The following FUBP1 variants were observed in gnomAD, a reference collection of about 807,000 sequenced individuals.
The protein encoded by FUBP1 is far upstream element-binding protein 1.
FUBP1 carries 16 observed loss-of-function variants against 94.9 expected under a neutral mutation model. The observed-to-expected ratio is 0.17, with a 90% confidence interval of 0.11 to 0.26. The LOEUF (loss-of-function observed/expected upper bound fraction) is 0.26. FUBP1 is among the 10% of genes least tolerant of loss of function. The probability of loss-of-function intolerance (pLI) is 1.00; values close to 1 mark genes in which losing one functional copy is unlikely to be tolerated. For missense variants in FUBP1, 583 were observed against 808.6 expected (o/e 0.72, Z 3.38); for synonymous variants, 279 against 254.9 (o/e 1.09, Z -0.90).
At chr1:77,970,489 A>G (rs1657317865) in intron 1 of FUBP1, among the ~76,000 whole-genome samples, 1 of 152,224 alleles carries the variant, frequency 6.6e-6, no homozygotes, top group South Asian at 2.1e-4. Flanking sequence ...CTCACTGAAT[A>G]TTGAAAACCT....
At chr1:77,959,913 T>C (rs1457583235) in intron 16 of FUBP1, among the ~76,000 whole-genome samples, 1 of 152,230 alleles carries the variant, frequency 6.6e-6, no homozygotes, top group African/African-American at 2.4e-5. Flanking sequence ...CCAAAACCTA[T>C]GACACTGTGC....
intron 16 of FUBP1, among the ~76,000 whole-genome samples, chr1:77,957,493 C>T (rs920771358): frequency 1.3e-5 from 2 of 152,204 alleles, no homozygotes; most frequent in African/African-American, 4.8e-5. Flanking sequence ...ACTCATCTCC[C>T]ACATCAACTG....
chr1:77,963,940 A>T, intron 12 of FUBP1, 122 bp downstream of exon 12: 1 of 731,824 alleles, frequency 1.4e-6, no homozygotes, highest in Non-Finnish European at 2.4e-6. Flanking sequence ...AAAGCAATTT[A>T]AACTTTCTCC....
rs1411212188 is a variant in FUBP1 at position 77,964,082 on chromosome 1, C to T, written c.1021G>A (p.Asp341Asn). 4.4e-6 allele frequency: 7 copies of T among 1,581,402 alleles called. No individual in the cohort carries two copies. The highest frequency in any genetic ancestry group is 6.1e-6 in the Non-Finnish European group (7 of 1,150,332). Residue 341 changes from aspartate (D) to asparagine (N), a missense_variant, in exon 12 of 20, where the codon GAC (aspartate) becomes AAC (asparagine). Asp to Asn is a conservative substitution (Grantham distance 23). Coordinates refer to ENST00000370768, the MANE Select transcript of FUBP1 (RefSeq NM_003902.5). ...CAAACCTGAACACTTCGAAGAAGGT[C>T]TGTAATAATTTCTGCAGCATGTTGA... The part of the protein sequence containing the change: ...RCQHAAEIIT[D>N]LLRSVQAGNP...
In FUBP1 at chr1:77,965,053, A is replaced by T; in HGVS notation, c.636+16T>A. 1.2e-6 allele frequency: 2 copies of T among 1,608,028 alleles called. No individual in the cohort carries two copies. Among genetic ancestry groups the T allele is most frequent in the Non-Finnish European group, 1.7e-6 (2 of 1,174,986 alleles). ...AAAACAGATCAAAAGTAGCCATTTCACAAAAATAACAATACCTGAAGCTGT... is the reference window on the plus strand; with the variant it reads ...AAAACAGATCAAAAGTAGCCATTTCTCAAAAATAACAATACCTGAAGCTGT... On this transcript the variant is annotated intron_variant, in intron 8 of 19. Transcript: ENST00000370768.
chr1:77,966,794 A>G (rs1384723519), intron 6 of FUBP1, 43 bp from the exon 7 acceptor site: 1 of 1,374,420 alleles, frequency 7.3e-7, no homozygotes, highest in Non-Finnish European at 1.0e-6. Context: ...CAAAAGATTA[A>G]AAGTAGCATT....
chr1:77,947,286 G>A lies in FUBP1; in HGVS notation c.*1480C>T, dbSNP rs537931687. ...TTAAGCTCACTTTAAAAAAAATACA[G>A]AACTATGTATTATTCTATGTTAAAT... On this transcript the variant is annotated 3_prime_UTR_variant, in exon 20 of 20. Transcript: ENST00000370768. The A allele has an allele frequency of 3.1e-5, 10 of 321,002 alleles. No homozygotes were observed. The highest frequency in any genetic ancestry group is 2.8e-4 in the South Asian group (7 of 24,774). The allele number at this position is 321,002 out of a possible 1,614,324, so 19.9% of individuals were successfully genotyped here.
chr1:77,972,541 G>A (rs965233870), intron 1 of FUBP1, among the ~76,000 whole-genome samples: 2 of 149,818 alleles, frequency 1.3e-5, no homozygotes, highest in Non-Finnish European at 3.0e-5. Context: ...ATGAGTTCAG[G>A]AGTTCAAGAC....
chr1:77,945,811 A>AT lies in FUBP1; in HGVS notation c.*2954dup, dbSNP rs1652016056. The AT allele has an allele frequency of 4.7e-6, 1 of 212,922 alleles. No homozygotes were observed. Among genetic ancestry groups the AT allele is most frequent in the South Asian group, 1.9e-4 (1 of 5,354 alleles). 13.2% of individuals were successfully genotyped at this position (212,922 alleles called of 1,614,324 possible). A position where few individuals can be genotyped will look rare whatever the true frequency, so the allele number is the denominator to read the frequency against. ...AAATATGTACCAGTTAAAATCATCT[A>AT]TAAAAACACACAAACATTTTAAACT... On this transcript the variant is annotated 3_prime_UTR_variant, in exon 20 of 20. Transcript: ENST00000370768.
At chr1:77,977,844 T>C (rs1362821787) in intron 1 of FUBP1, among the ~76,000 whole-genome samples, 1 of 152,236 alleles carries the variant, frequency 6.6e-6, no homozygotes, top group African/African-American at 2.4e-5. Flanking sequence ...ACATTAGATG[T>C]GTTACAACGG....
rs1652856752 is a variant in FUBP1 at position 77,949,214 on chromosome 1, C to T, written c.1867G>A (p.Ala623Thr). Residue 623 changes from alanine (A) to threonine (T), a missense_variant, in exon 19 of 20, where the codon GCA becomes ACA. Physicochemically the swap from Ala to Thr is moderately conservative, Grantham distance 58. Coordinates refer to ENST00000370768, the MANE Select transcript of FUBP1 (RefSeq NM_003902.5). ...AAWAEYYRQQAAYYAQTSPQG... is the reference protein window; with the variant it reads ...AAWAEYYRQQTAYYAQTSPQG... ...GGACTTGTCTGGGCATAATAGGCTG[C>T]TTGTTGTCTATAATACTCAGCCCAG... The T allele has an allele frequency of 6.2e-7, 1 of 1,613,424 alleles. No homozygotes were observed. Among genetic ancestry groups the T allele is most frequent in the Non-Finnish European group, 8.5e-7 (1 of 1,179,438 alleles).
Position 77,966,951 on chromosome 1 carries a change from A to C in FUBP1, c.348T>G (p.Ile116Met). 6.2e-7 allele frequency: 1 copy of C among 1,600,332 alleles called. No homozygotes were observed. Among genetic ancestry groups the C allele is most frequent in the Non-Finnish European group, 8.6e-7 (1 of 1,169,200 alleles). Residue 116 changes from isoleucine to methionine, a missense_variant, in exon 6 of 20, where the codon ATT becomes ATG. By Grantham distance (10) the Ile-to-Met change is conservative (BLOSUM62 1). Transcript: ENST00000370768. ...KVPDGMVGFI[I>M]GRGGEQISRI... ...GTGAGATCTGTTCACCTCCTCTGCC[A>C]ATTACTAGTTAGAAAAAAAAAAATT... is the stretch of plus-strand genomic sequence containing the variant.
chr1:77,966,003 G>A (rs560851323), intron 7 of FUBP1, among the ~76,000 whole-genome samples: 11 of 152,336 alleles, frequency 7.2e-5, no homozygotes, highest in African/African-American at 1.7e-4. Context: ...GCAACAGAGC[G>A]AGACTTCGTC....
In FUBP1 at chr1:77,968,179, G is replaced by C; in HGVS notation, c.236C>G (p.Ala79Gly). The change falls in exon 3 of 20, where the codon GCT becomes GGT. Residue 79 changes from alanine to glycine, a missense_variant. Coordinates refer to ENST00000370768, the MANE Select transcript of FUBP1 (RefSeq NM_003902.5). Reference protein sequence around the residue: ...DGDQPDAKKVAPQNDSFGTQL... With the variant: ...DGDQPDAKKVGPQNDSFGTQL... ...GGAATACTTACAGTCATTTTGAGGA[G>C]CAACTTTCTTAGCATCTGGTTGATC... The C allele has an allele frequency of 6.5e-7, 1 of 1,538,266 alleles. No homozygotes were observed. The highest frequency in any genetic ancestry group is 8.7e-7 in the Non-Finnish European group (1 of 1,150,344).
chr1:77,979,278 T>G, upstream of FUBP1: 5 of 432,848 alleles, frequency 1.2e-5, no homozygotes, highest in Non-Finnish European at 2.1e-5. Context: ...GCACCTCCTC[T>G]CCGCGCGTTC....
chr1:77,948,587 A>C lies in FUBP1; in HGVS notation c.*179T>G. 1.5e-6 allele frequency: 2 copies of C among 1,293,762 alleles called. No individual in the cohort carries two copies. 80.1% of individuals were successfully genotyped at this position (1,293,762 alleles called of 1,614,324 possible). A position where few individuals can be genotyped will look rare whatever the true frequency, so the allele number is the denominator to read the frequency against. ...ATTTTCATTTCTACACAGAAATATT[A>C]ACCTCCTATCAGTAGTGATAGATAT... is the stretch of plus-strand genomic sequence containing the variant. On this transcript the variant is annotated 3_prime_UTR_variant, in exon 20 of 20. Coordinates refer to ENST00000370768, the MANE Select transcript of FUBP1 (RefSeq NM_003902.5).
rs1358962871 is a variant in FUBP1, at chr1:77,963,593, A to G, written c.1164T>C (p.Thr388=). The change falls in exon 13 of 20, where the codon ACT becomes ACC. Residue 388 remains threonine (T), a synonymous_variant. Transcript: ENST00000370768. ...EFNFIVPTGK[T]GLIIGKGGET... ...CATTGCCTTTTCCTATTATTAATCCAGTTTTCCCAGTTGGCACAATAAAAT... is the reference window on the plus strand; with the variant it reads ...CATTGCCTTTTCCTATTATTAATCCGGTTTTCCCAGTTGGCACAATAAAAT... 1.3e-6 allele frequency: 2 copies of G among 1,584,904 alleles called. No homozygotes were observed. Among genetic ancestry groups the G allele is most frequent in the Non-Finnish European group, 1.7e-6 (2 of 1,153,808 alleles).
Position 77,945,792 on chromosome 1 carries a change from G to C in FUBP1, c.*2974C>G. ...ATACATTCAACTTAACTCAAAATAT[G>C]TACCAGTTAAAATCATCTATAAAAA... On this transcript the variant is annotated 3_prime_UTR_variant, in exon 20 of 20. Transcript: ENST00000370768. The C allele has an allele frequency of 4.7e-6, 1 of 213,446 alleles. No homozygotes were observed. The highest frequency in any genetic ancestry group is 9.5e-6 in the Non-Finnish European group (1 of 105,498). The allele number at this position is 213,446 out of a possible 1,614,324, so 13.2% of individuals were successfully genotyped here.
In FUBP1 at chr1:77,967,080, T is replaced by G. The variant is rs1250811955; in HGVS notation, c.312A>C (p.Glu104Asp). The change falls in exon 5 of 20, where the codon GAA becomes GAC. Residue 104 changes from glutamate to aspartate, a missense_variant. Transcript: ENST00000370768. ...CAACCATTCCATCTGGAACTTTGTA[T>G]TCTTCTGTCATTACAGATCTGCTAA... ...QQQSRSVMTE[E>D]YKVPDGMVGF... The G allele has an allele frequency of 6.3e-7, 1 of 1,589,324 alleles. No individual in the cohort carries two copies. The highest frequency in any genetic ancestry group is 1.1e-5 in the South Asian group (1 of 88,798).
Sources: gnomAD v4.1 joint callset for allele counts (sites outside exome capture counted in the v4.1 genomes callset) on GRCh38, gnomAD v4.1.1 for gene constraint, MANE v1.5 for transcripts, NCBI Gene and HGNC (gene_info 2026-07-23, HGNC 2026-07-21) for gene names.